The following KCNH7 variants were observed in gnomAD, a reference collection of about 807,000 sequenced individuals.
KCNH7 encodes the protein potassium voltage-gated channel subfamily H member 7, also known as voltage-gated inwardly rectifying potassium channel KCNH7.
In KCNH7, 49 loss-of-function variants were observed where a neutral mutation model predicts 120.8. The observed-to-expected ratio is 0.41, with a 90% CI of 0.32 to 0.51. KCNH7 has a LOEUF of 0.51. Among genes scored for constraint, KCNH7 ranks in the 20% least tolerant of loss-of-function variants. KCNH7 has a pLI of 0.38. For synonymous variants in KCNH7, 547 were observed against 516.1 expected, an observed-to-expected ratio of 1.06 and a Z score of -0.81; for missense variants, 1,097 against 1,446.6, an observed-to-expected ratio of 0.76 and a Z score of 3.92.
chr2:162,630,248 C>T (rs1252281298), intron 2 of KCNH7, among the ~76,000 whole-genome samples: 2 of 151,952 alleles, frequency 1.3e-5, no homozygotes, highest in Non-Finnish European at 2.9e-5. Flanking sequence ...AATAGATAAA[C>T]AATAGCCATA....
At chr2:162,684,184 A>G (rs1574262805) in intron 2 of KCNH7, among the ~76,000 whole-genome samples, 1 of 152,166 alleles carries the variant, frequency 6.6e-6, no homozygotes, top group Non-Finnish European at 1.5e-5. Context: ...CTTACCCCTT[A>G]TACAAAAATT....
intron 6 of KCNH7, among the ~76,000 whole-genome samples, chr2:162,472,055 A>T (rs1369312458): frequency 6.6e-6 from 1 of 152,204 alleles, no homozygotes; most frequent in African/African-American, 2.4e-5. Context: ...CTGAAACTGG[A>T]TCCCTTCCTT....
chr2:162,780,421 C>T (rs569319861), intron 2 of KCNH7, among the ~76,000 whole-genome samples: 55 of 152,254 alleles, frequency 3.6e-4, no homozygotes, highest in Non-Finnish European at 7.4e-4. Context: ...TTTACTACCA[C>T]TACAAAAAGT....
At chr2:162,656,525 A>G (rs899265583) in intron 2 of KCNH7, among the ~76,000 whole-genome samples, 10 of 152,202 alleles carry the variant, frequency 6.6e-5, no homozygotes, top group Non-Finnish European at 1.5e-4. Context: ...ATGAAAAGTC[A>G]TTACGCTGAT....
intron 2 of KCNH7, among the ~76,000 whole-genome samples, chr2:162,762,282 T>C (rs575597304): frequency 6.6e-6 from 1 of 152,004 alleles, no homozygotes; most frequent in South Asian, 2.1e-4. Flanking sequence ...TATATATACA[T>C]ATGTGTGTGT....
intron 2 of KCNH7, among the ~76,000 whole-genome samples, chr2:162,697,667 TC>T (rs1686342487): frequency 6.6e-6 from 1 of 152,082 alleles, no homozygotes; most frequent in African/African-American, 2.4e-5. Flanking sequence ...TAGAAGAATG[TC>T]TGTCTTATAA....
At chr2:162,479,001 A>G (rs1269872231) in intron 6 of KCNH7, among the ~76,000 whole-genome samples, 1 of 152,080 alleles carries the variant, frequency 6.6e-6, no homozygotes, top group Non-Finnish European at 1.5e-5. Context: ...GGCAATTTTT[A>G]TTTTAAAGCT....
At chr2:162,457,500 C>T (rs1434414485) in intron 6 of KCNH7, among the ~76,000 whole-genome samples, 1 of 152,068 alleles carries the variant, frequency 6.6e-6, no homozygotes, top group African/African-American at 2.4e-5. Flanking sequence ...ATTTGTTTAA[C>T]CTCTAACAGT....
intron 7 of KCNH7, among the ~76,000 whole-genome samples, chr2:162,445,464 CTCTA>C (rs138905342): frequency 0.02 from 3,017 of 152,218 alleles, 206 homozygotes; most frequent in Admixed American, 0.15. Context: ...GTTCTGGACT[CTCTA>C]TCCAGAAAAT....
chr2:162,752,981 A>T, intron 2 of KCNH7, among the ~76,000 whole-genome samples: 1 of 137,078 alleles, frequency 7.3e-6, no homozygotes, highest in African/African-American at 3.1e-5. Flanking sequence ...AAGAAAAGAA[A>T]AGAAAAGAAA....
At chr2:162,473,664 G>A (rs1689640463) in intron 6 of KCNH7, among the ~76,000 whole-genome samples, 1 of 152,182 alleles carries the variant, frequency 6.6e-6, no homozygotes, top group Non-Finnish European at 1.5e-5. Flanking sequence ...CACTGGGCTA[G>A]GCTCTGTGGA....
chr2:162,815,990 G>A (rs1684905092), intron 2 of KCNH7, among the ~76,000 whole-genome samples: 2 of 152,066 alleles, frequency 1.3e-5, no homozygotes, highest in South Asian at 2.1e-4. Context: ...AGGGTGCAGT[G>A]GCCCACACCT....
At chr2:162,612,170 A>G (rs1682991363) in intron 2 of KCNH7, among the ~76,000 whole-genome samples, 1 of 152,214 alleles carries the variant, frequency 6.6e-6, no homozygotes, top group Admixed American at 6.5e-5. Context: ...TCAGGAATCA[A>G]TATGAAAAAT....
chr2:162,719,281 GA>G (rs1322741323), intron 2 of KCNH7, among the ~76,000 whole-genome samples: 2 of 151,966 alleles, frequency 1.3e-5, no homozygotes, highest in Non-Finnish European at 2.9e-5. Flanking sequence ...TTCTTTTAAG[GA>G]AAATCTAGTA....
At chr2:162,485,051 A>T (rs936081547) in intron 6 of KCNH7, among the ~76,000 whole-genome samples, 7 of 152,232 alleles carry the variant, frequency 4.6e-5, no homozygotes, top group African/African-American at 1.4e-4. Context: ...GAACTAAGGA[A>T]TCTGTGTCTC....
intron 2 of KCNH7, among the ~76,000 whole-genome samples, chr2:162,540,507 A>G (rs2105834479): frequency 6.6e-6 from 1 of 151,802 alleles, no homozygotes; most frequent in African/African-American, 2.4e-5. Context: ...AGATGATGGG[A>G]CTCCTCCTTT....
chr2:162,830,803 A>G (rs529851410), intron 2 of KCNH7, among the ~76,000 whole-genome samples: 1 of 152,290 alleles, frequency 6.6e-6, no homozygotes, highest in South Asian at 2.1e-4. Context: ...ACAGCAACAA[A>G]GTGCCATCTT....
rs1216179582 is a variant in KCNH7 at position 162,435,628 on chromosome 2, G to GT, written c.1555-32_1555-31insA. Reference sequence around the variant, plus strand: ...GAAATAAATGTACACAGTCAGAAACGGTCGGCAAACAATTCAAAGTACATT... The same window carrying GT: ...GAAATAAATGTACACAGTCAGAAACGTGTCGGCAAACAATTCAAAGTACATT... On this transcript the variant is annotated intron_variant, in intron 7 of 15. Coordinates refer to ENST00000332142, the MANE Select transcript of KCNH7 (RefSeq NM_033272.4). 9 of 1,534,982 alleles carry GT rather than the reference G, an allele frequency of 5.9e-6. No homozygotes were observed. The African/African-American group carries it at 1.2e-4, about 21-fold the overall frequency.
intron 9 of KCNH7, among the ~76,000 whole-genome samples, chr2:162,418,965 C>T (rs1687620158): frequency 2.0e-5 from 3 of 151,934 alleles, no homozygotes; most frequent in East Asian, 1.9e-4. Context: ...TAAGCTAACT[C>T]GATTAAAAGC....
Sources: allele counts gnomAD v4.1 joint callset (sites outside exome capture counted in the v4.1 genomes callset), GRCh38; gene constraint gnomAD v4.1.1; transcripts MANE v1.5; gene names NCBI Gene and HGNC (gene_info 2026-07-23, HGNC 2026-07-21).